GET1: variants seen among roughly 807,000 people sequenced by gnomAD.
GET1 encodes guided entry of tail-anchored proteins factor 1.
GET1 carries 20 observed loss-of-function variants against 22.6 expected under a neutral mutation model. That is an observed-to-expected ratio of 0.89 (90% CI 0.62 to 1.29). GET1 has a LOEUF of 1.29. Ranked by LOEUF, GET1 falls within the 50% of genes most tolerant of loss-of-function variation. The pLI, the probability that GET1 is intolerant of heterozygous loss-of-function variation, is 0.00. For missense variants in GET1, 209 were observed against 219.9 expected (o/e 0.95, Z 0.31); for synonymous variants, 92 against 83.8 (o/e 1.10, Z -0.53).
chr21:39,423,208 T>G (rs1450485258), intron 1 of GET1: 16 of 1,612,646 alleles, frequency 9.9e-6, no homozygotes, highest in Non-Finnish European at 1.4e-5. Flanking sequence ...ATTCTGATGT[T>G]TAGCCATAAT....
intron 3 of GET1, 198 bp from the exon 4 acceptor site, chr21:39,392,968 T>G (rs1248710687): frequency 1.1e-5 from 6 of 528,124 alleles, no homozygotes; most frequent in East Asian, 8.9e-5. Context: ...TAATTTGACT[T>G]TCTCATTCAA....
At chr21:39,388,836 G>A (rs774639925) in intron 1 of GET1, among the ~76,000 whole-genome samples, 1 of 152,202 alleles carries the variant, frequency 6.6e-6, no homozygotes, top group Non-Finnish European at 1.5e-5. Context: ...CTGGAGAGTG[G>A]ACGGCTGGGG....
rs968322968 is a variant in GET1 at position 39,380,388 on chromosome 21, A to T, written c.4A>T (p.Ser2Cys). 6.2e-7 allele frequency: 1 copy of T among 1,605,054 alleles called. No individual in the cohort carries two copies. The highest frequency in any genetic ancestry group is 8.5e-7 in the Non-Finnish European group (1 of 1,175,070). ...AGCACAGCCAGGAGCGTCCGGGATG[A>T]GCTCAGCCGCGGCCGACCACTGGGC... is the stretch of plus-strand genomic sequence containing the variant. M[S>C]SAAADHWAWL... The change falls in exon 1 of 5, where the codon AGC becomes TGC. Residue 2 changes from serine to cysteine, a missense_variant. Transcript: ENST00000649170.
intron 1 of GET1, chr21:39,387,856 G>GA: frequency 1.0e-6 from 1 of 983,836 alleles, no homozygotes; most frequent in Non-Finnish European, 1.2e-6. Context: ...GAGGAGACCT[G>GA]TAAGCTGGAA....
exon 2 of GET1, chr21:39,428,324 G>C: frequency 6.2e-7 from 1 of 1,613,406 alleles, no homozygotes; most frequent in Non-Finnish European, 8.5e-7. Flanking sequence ...ACTTCCACAG[G>C]AGCACTGAGA....
intron 2 of GET1, chr21:39,391,267 G>A (rs148426744): frequency 5.5e-5 from 12 of 217,860 alleles, no homozygotes; most frequent in African/African-American, 2.8e-4. Context: ...GTCACCTCCC[G>A]GGTCCAGTGT....
chr21:39,415,421 T>C (rs983095498), intron 1 of GET1, among the ~76,000 whole-genome samples: 4 of 152,252 alleles, frequency 2.6e-5, no homozygotes, highest in Non-Finnish European at 4.4e-5. Context: ...CATGAGCCCA[T>C]GAACCAGCTT....
downstream of GET1, among the ~76,000 whole-genome samples, chr21:39,409,224 C>T (rs554405200): frequency 1.9e-4 from 29 of 152,176 alleles, no homozygotes; most frequent in African/African-American, 6.0e-4. This position sits in a 1 kb window ranked among gnomAD's most constrained non-coding sequence, Gnocchi z 4.2. Context: ...TAGTGAGAAG[C>T]GGGACATCTA....
At chr21:39,420,886 T>C in intron 1 of GET1, 1 of 1,520,590 alleles carries the variant, frequency 6.6e-7, no homozygotes. Context: ...ACCAAGTTAG[T>C]ATGTTAAAAA....
At chr21:39,424,968 G>A (rs770458524) in intron 1 of GET1, among the ~76,000 whole-genome samples, 3 of 152,210 alleles carry the variant, frequency 2.0e-5, no homozygotes, top group African/African-American at 4.8e-5. Context: ...ACACAGCTAG[G>A]AAGTGGTGAG....
downstream of GET1, among the ~76,000 whole-genome samples, chr21:39,410,527 T>C (rs1167517510): frequency 6.6e-6 from 1 of 152,226 alleles, no homozygotes; most frequent in Admixed American, 6.5e-5. Flanking sequence ...TTCCTGTTTT[T>C]CCCTCCAGGG....
downstream of GET1, chr21:39,407,935 A>G (rs1202073628): frequency 6.6e-6 from 1 of 152,198 alleles, no homozygotes; most frequent in East Asian, 1.9e-4. Flanking sequence ...CTGTCAAACT[A>G]CTGTGTTATT....
chr21:39,392,561 C>T (rs576975742), intron 3 of GET1, among the ~76,000 whole-genome samples: 1 of 152,292 alleles, frequency 6.6e-6, no homozygotes, highest in South Asian at 2.1e-4. Context: ...TCTTTCATGT[C>T]TCTTCTGAGC....
chr21:39,396,222 C>CACG (rs1455650761), intron 4 of GET1, among the ~76,000 whole-genome samples: 1 of 151,988 alleles, frequency 6.6e-6, no homozygotes, highest in African/African-American at 2.4e-5. Flanking sequence ...ATGGTGAAAC[C>CACG]GTGTCTGTAC....
chr21:39,389,609 C>G (rs1479321026), intron 1 of GET1, among the ~76,000 whole-genome samples: 1 of 152,206 alleles, frequency 6.6e-6, no homozygotes, highest in Non-Finnish European at 1.5e-5. Flanking sequence ...CCGACCCTGG[C>G]AGGGTTCCTT....
At chr21:39,408,096 C>T (rs1040019634), downstream of GET1, among the ~76,000 whole-genome samples, 4 of 152,262 alleles carry the variant, frequency 2.6e-5, no homozygotes, top group African/African-American at 7.2e-5. Context: ...CATGCATGTA[C>T]TTTCCTCAGA....
intron 1 of GET1, among the ~76,000 whole-genome samples, chr21:39,418,025 C>T (rs1470274464): frequency 6.6e-6 from 1 of 152,194 alleles, no homozygotes; most frequent in Non-Finnish European, 1.5e-5. Flanking sequence ...CTTGGCCTCC[C>T]AAAGTGCTGG....
At position 39,390,762 on chromosome 21, in the gene GET1, T is replaced by C; in HGVS notation, c.167T>C (p.Met56Thr). The C allele has an allele frequency of 1.2e-6, 2 of 1,614,116 alleles. No individual in the cohort carries two copies. Among genetic ancestry groups the C allele is most frequent in the Non-Finnish European group, 1.7e-6 (2 of 1,180,024 alleles). The change falls in exon 2 of 5, where the codon ATG (methionine) becomes ACG (threonine). Residue 56 changes from methionine (M) to threonine (T), a missense_variant. By Grantham distance (81) the Met-to-Thr change is moderately conservative (BLOSUM62 -1). Transcript: ENST00000649170. Reference sequence around the variant, plus strand: ...CAGATGAGAGCGGAGATCCAGGACATGAAGCAGGAGCTCTCCACAGTCAAC... The same window carrying C: ...CAGATGAGAGCGGAGATCCAGGACACGAAGCAGGAGCTCTCCACAGTCAAC... ...ESQMRAEIQD[M>T]KQELSTVNMM...
At chr21:39,408,525 C>T (rs2039496604), downstream of GET1, 1 of 152,342 alleles carries the variant, frequency 6.6e-6, no homozygotes, top group South Asian at 2.1e-4. Flanking sequence ...ACCTCCAGGT[C>T]CCAAACACCA....
Sources: gnomAD v4.1 joint callset for allele counts (sites outside exome capture counted in the v4.1 genomes callset) on GRCh38, gnomAD v4.1.1 for gene constraint, Gnocchi (gnomAD v3.1) non-coding constraint, MANE v1.5 for transcripts, NCBI Gene and HGNC (gene_info 2026-07-23, HGNC 2026-07-21) for gene names.